Variants in DOCK4 observed in about 807,000 individuals in gnomAD.
The protein encoded by DOCK4 is dedicator of cytokinesis protein 4.
Under a neutral mutation model 268.1 loss-of-function variants are expected in DOCK4, and 97 were observed. The ratio of observed to expected loss-of-function variants is 0.36; its 90% CI spans 0.31 to 0.43. DOCK4 has a LOEUF of 0.43. Ranked by LOEUF, DOCK4 falls within the 20% of genes least tolerant of loss-of-function variation. DOCK4 has a pLI of 1.00. For synonymous variants in DOCK4, 954 were observed against 887.2 expected (o/e 1.08, Z -1.34); for missense variants, 2,145 against 2,455.7 (o/e 0.87, Z 2.67).
At chr7:111,885,559 G>A (rs1027126687) in intron 16 of DOCK4, among the ~76,000 whole-genome samples, 4 of 152,138 alleles carry the variant, frequency 2.6e-5, no homozygotes, top group Non-Finnish European at 4.4e-5. Context: ...AAGAATTAAT[G>A]AAGCCATTTG....
At chr7:112,169,681 C>G (rs1249997877) in intron 1 of DOCK4, among the ~76,000 whole-genome samples, 1 of 152,136 alleles carries the variant, frequency 6.6e-6, no homozygotes. Context: ...TCTCGTGTAG[C>G]CTTTAGTGAG....
At chr7:112,058,993 C>T (rs908910918) in intron 1 of DOCK4, among the ~76,000 whole-genome samples, 2 of 152,120 alleles carry the variant, frequency 1.3e-5, no homozygotes, top group Non-Finnish European at 2.9e-5. Context: ...CTTCCTAGTG[C>T]AAGCTGACTT....
chr7:112,065,819 A>G (rs1806875427), intron 1 of DOCK4, among the ~76,000 whole-genome samples: 1 of 152,096 alleles, frequency 6.6e-6, no homozygotes, highest in South Asian at 2.1e-4. Flanking sequence ...TAAGACAAAC[A>G]CTGTTGATGG....
chr7:111,767,471 C>A (rs560072389), intron 37 of DOCK4, among the ~76,000 whole-genome samples: 20 of 151,988 alleles, frequency 1.3e-4, no homozygotes, highest in Non-Finnish European at 2.2e-4. Context: ...ATGATCCACC[C>A]GCCTCGGCCT....
chr7:112,002,232 C>T (rs56263563), intron 2 of DOCK4, among the ~76,000 whole-genome samples: 5,297 of 152,202 alleles, frequency 0.035, 152 homozygotes, highest in Non-Finnish European at 0.053. Context: ...CTCTATATCT[C>T]AGGGTTTATC....
chr7:111,786,133 T>C (rs1799147784), intron 32 of DOCK4, among the ~76,000 whole-genome samples: 1 of 152,252 alleles, frequency 6.6e-6, no homozygotes, highest in South Asian at 2.1e-4. Flanking sequence ...TAATTAAATG[T>C]GTGATCACTA....
At chr7:111,949,673 T>TA (rs1056899036) in intron 8 of DOCK4, among the ~76,000 whole-genome samples, 1 of 151,760 alleles carries the variant, frequency 6.6e-6, no homozygotes, top group Non-Finnish European at 1.5e-5. Flanking sequence ...CTATGGCCAA[T>TA]AAAAAAAATT....
intron 8 of DOCK4, chr7:111,972,004 A>G (rs1439052071): frequency 1.3e-5 from 2 of 157,744 alleles, no homozygotes; most frequent in East Asian, 1.8e-4. Flanking sequence ...TTTCCTTTCC[A>G]TTTCACGGGT....
At chr7:111,777,021 ATT>A (rs1798487568) in intron 36 of DOCK4, among the ~76,000 whole-genome samples, 1 of 151,650 alleles carries the variant, frequency 6.6e-6, no homozygotes, top group Non-Finnish European at 1.5e-5. Context: ...GTTTTGCCAC[ATT>A]TTCCACGCTG....
rs572240336 is a variant in DOCK4 at position 111,842,540 on chromosome 7, T to C, written c.2736+2223A>G. On this transcript the variant is annotated intron_variant, in intron 25 of 52. Transcript: ENST00000428084. Reference sequence around the variant, plus strand: ...ACCCTCATGAGGATGTAGTGAGGTGTCCCAACATCTCTCCTAGAGTGGAGC... The same window carrying C: ...ACCCTCATGAGGATGTAGTGAGGTGCCCCAACATCTCTCCTAGAGTGGAGC... Among the ~76,000 whole-genome samples the C allele has an allele frequency of 2.4e-3, 363 of 152,260 alleles. 1 individual carries two copies. The highest frequency in any genetic ancestry group is 8.5e-3 in the African/African-American group (354 of 41,568).
At chr7:111,818,271 C>T (rs1027637584) in intron 27 of DOCK4, among the ~76,000 whole-genome samples, 4 of 152,182 alleles carry the variant, frequency 2.6e-5, no homozygotes, top group African/African-American at 7.2e-5. Flanking sequence ...ACGCACATGT[C>T]CAGCCCCAAC....
At chr7:112,177,014 A>G (rs549897879) in intron 1 of DOCK4, among the ~76,000 whole-genome samples, 13 of 152,254 alleles carry the variant, frequency 8.5e-5, no homozygotes, top group African/African-American at 2.9e-4. Flanking sequence ...GAAGGAAGAA[A>G]ATAATTCTCC....
intron 52 of DOCK4, among the ~76,000 whole-genome samples, chr7:111,731,651 C>T (rs1288930895): frequency 2.0e-5 from 3 of 152,128 alleles, no homozygotes; most frequent in Non-Finnish European, 4.4e-5. Flanking sequence ...TTACAGCTTT[C>T]CAGTTTGTTC....
intron 10 of DOCK4, among the ~76,000 whole-genome samples, chr7:111,940,700 A>G (rs7791002): frequency 0.016 from 2,498 of 152,280 alleles, 65 homozygotes; most frequent in African/African-American, 0.056. Flanking sequence ...CAGGTGATCA[A>G]ATGTGCATGC....
At chr7:112,042,194 T>C (rs899914302) in intron 1 of DOCK4, among the ~76,000 whole-genome samples, 13 of 152,290 alleles carry the variant, frequency 8.5e-5, no homozygotes, top group African/African-American at 2.4e-4. Flanking sequence ...ATAATAGTCA[T>C]CTGCAAGGCG....
At chr7:111,784,329 C>T (rs898908023) in intron 32 of DOCK4, 1 of 705,942 alleles carries the variant, frequency 1.4e-6, no homozygotes, top group Non-Finnish European at 2.6e-6. Context: ...AGGAGTGCCT[C>T]CAAGTTTACT....
chr7:111,995,095 G>C (rs564231643), intron 4 of DOCK4, among the ~76,000 whole-genome samples: 1 of 151,140 alleles, frequency 6.6e-6, no homozygotes, highest in African/African-American at 2.4e-5. Context: ...GCAGTGGCGC[G>C]ATCTCGGCTC....
chr7:112,111,298 G>C (rs1003661559), intron 1 of DOCK4, among the ~76,000 whole-genome samples: 2 of 152,134 alleles, frequency 1.3e-5, no homozygotes, highest in Admixed American at 6.5e-5. Flanking sequence ...AGGATGCTAG[G>C]GGTATGACCC....
intron 1 of DOCK4, among the ~76,000 whole-genome samples, chr7:112,175,177 A>G (rs1001177332): frequency 2.0e-5 from 3 of 152,062 alleles, no homozygotes; most frequent in Non-Finnish European, 4.4e-5. Context: ...CCCCTGGAAC[A>G]TTTTTAACTT....
Sources: gnomAD v4.1 joint callset for allele counts (sites outside exome capture counted in the v4.1 genomes callset) on GRCh38, gnomAD v4.1.1 for gene constraint, MANE v1.5 for transcripts, NCBI Gene and HGNC (gene_info 2026-07-23, HGNC 2026-07-21) for gene names.